ZNF248: variants seen among roughly 807,000 people sequenced by gnomAD.
ZNF248 encodes zinc finger protein 248, also known as KRAB protein domain.
ZNF248 carries 20 observed loss-of-function variants against 44.3 expected under a neutral mutation model. The observed-to-expected ratio is 0.45, with a 90% confidence interval of 0.32 to 0.66. ZNF248 has a LOEUF of 0.66. ZNF248 is among the 30% of genes least tolerant of loss of function. ZNF248 has a pLI of 0.04. For missense variants in ZNF248, 654 were observed against 677.0 expected, an observed-to-expected ratio of 0.97 and a Z score of 0.38; for synonymous variants, 224 against 229.0, an observed-to-expected ratio of 0.98 and a Z score of 0.20.
At chr10:37,818,138 G>T (rs370376258) in intron 6 of ZNF248, among the ~76,000 whole-genome samples, 2 of 151,774 alleles carry the variant, frequency 1.3e-5, no homozygotes, top group African/African-American at 2.4e-5. Context: ...GGATGGTCTC[G>T]ATCTCCTGAC....
chr10:37,764,640 C>A, the ZNF248 span, among the ~76,000 whole-genome samples: 1 of 152,082 alleles, frequency 6.6e-6, no homozygotes, highest in African/African-American at 2.4e-5. Context: ...CTCTTTTGTA[C>A]TCTTTCCCTT....
intron 5 of ZNF248, among the ~76,000 whole-genome samples, chr10:37,836,854 A>G (rs2057316333): frequency 1.3e-5 from 2 of 152,022 alleles, no homozygotes; most frequent in South Asian, 4.1e-4. Flanking sequence ...TACCAGGGAC[A>G]TTATTCTGTT....
At chr10:37,767,714 C>T in the ZNF248 span, among the ~76,000 whole-genome samples, 1 of 152,158 alleles carries the variant, frequency 6.6e-6, no homozygotes, top group African/African-American at 2.4e-5. Flanking sequence ...GAAACTGCAT[C>T]AACTAAAGAG....
At chr10:37,846,641 G>A (rs927687949) in intron 3 of ZNF248, among the ~76,000 whole-genome samples, 16 of 152,238 alleles carry the variant, frequency 1.1e-4, no homozygotes, top group African/African-American at 3.6e-4. Flanking sequence ...GCAAGATCCT[G>A]ACTCAAGAAA....
chr10:37,835,525 C>G (rs2056969224), intron 5 of ZNF248, among the ~76,000 whole-genome samples: 3 of 152,138 alleles, frequency 2.0e-5, no homozygotes, highest in African/African-American at 7.2e-5. Context: ...CAATCACACT[C>G]TAGAAAAGGG....
chr10:37,810,437 T>C (rs1247432677), intron 6 of ZNF248, among the ~76,000 whole-genome samples: 1 of 152,196 alleles, frequency 6.6e-6, no homozygotes, highest in African/African-American at 2.4e-5. Context: ...TCTTTATCTC[T>C]TGTGACCTTT....
chr10:37,847,047 G>A (rs1381105635), intron 3 of ZNF248, among the ~76,000 whole-genome samples: 1 of 152,074 alleles, frequency 6.6e-6, no homozygotes, highest in Non-Finnish European at 1.5e-5. Flanking sequence ...TGTTGCTGCT[G>A]TTGTTTGAGA....
chr10:37,820,233 C>CAGATGGAG (rs2053236548), intron 6 of ZNF248: 1 of 1,334,574 alleles, frequency 7.5e-7, no homozygotes, highest in Non-Finnish European at 1.1e-6. Context: ...CTGTCTGTGC[C>CAGATGGAG]AGATGGAGAT....
downstream of ZNF248, among the ~76,000 whole-genome samples, chr10:37,826,757 C>A (rs140423844): frequency 2.2e-3 from 330 of 152,210 alleles, no homozygotes; most frequent in African/African-American, 7.6e-3. Context: ...TAAAACTCTC[C>A]GGCTATGCCT....
chr10:37,794,235 A>C (rs2048885606), intron 6 of ZNF248: 1 of 152,272 alleles, frequency 6.6e-6, no homozygotes, highest in African/African-American at 2.4e-5. Context: ...AGGATTTCTT[A>C]CATTCATTAT....
intron 6 of ZNF248, chr10:37,820,997 G>A (rs1210249354): frequency 4.0e-6 from 6 of 1,518,536 alleles, no homozygotes; most frequent in Non-Finnish European, 4.5e-6. Flanking sequence ...GGCTGGCAGA[G>A]CGTCTCCCGA....
chr10:37,781,983 G>A (rs576357980), intron 6 of ZNF248, among the ~76,000 whole-genome samples: 139 of 152,256 alleles, frequency 9.1e-4, no homozygotes, highest in Non-Finnish European at 1.6e-3. Flanking sequence ...CTTACAATTC[G>A]GAGAAGTATT....
intron 6 of ZNF248, among the ~76,000 whole-genome samples, chr10:37,817,801 G>A (rs1489373831): frequency 6.6e-6 from 1 of 152,106 alleles, no homozygotes; most frequent in Non-Finnish European, 1.5e-5. Context: ...ATCCCCAGCT[G>A]AGCCTTTGTG....
Position 37,829,754 on chromosome 10 carries a change from T to C in ZNF248, c.*1861A>G, listed in dbSNP as rs1661016907. On this transcript the variant is annotated 3_prime_UTR_variant, in exon 6 of 6. Coordinates refer to ENST00000395867, the MANE Select transcript of ZNF248 (RefSeq NM_021045.3). ...CATGAAAAAGCCCAGCAGAGTCTCT[T>C]CTCATGTCATGACAATGTTGTATCA... is the stretch of plus-strand genomic sequence containing the variant. The C allele has an allele frequency of 1.0e-6, 1 of 982,926 alleles. No homozygotes were observed. The highest frequency in any genetic ancestry group is 1.2e-6 in the Non-Finnish European group (1 of 829,916). The allele number at this position is 982,926 out of a possible 1,614,324, so 60.9% of individuals were successfully genotyped here.
chr10:37,787,331 T>C (rs2133000076), intron 6 of ZNF248, among the ~76,000 whole-genome samples: 1 of 151,526 alleles, frequency 6.6e-6, no homozygotes, highest in Admixed American at 6.6e-5. Flanking sequence ...ATAAATAAAG[T>C]ATACTATAAA....
At chr10:37,761,369 A>G in the ZNF248 span, among the ~76,000 whole-genome samples, 89 of 152,232 alleles carry the variant, frequency 5.8e-4, no homozygotes, top group Admixed American at 9.2e-4. Flanking sequence ...TGAAGATAGT[A>G]TTTCAAATTA....
chr10:37,783,754 T>C (rs953451353), intron 6 of ZNF248: 1 of 152,354 alleles, frequency 6.6e-6, no homozygotes, highest in Admixed American at 6.5e-5. Flanking sequence ...AGAATCTTTT[T>C]GAGGGCCTCC....
downstream of ZNF248, among the ~76,000 whole-genome samples, chr10:37,772,682 T>A (rs764399067): frequency 7.9e-5 from 12 of 152,198 alleles, no homozygotes; most frequent in Non-Finnish European, 1.3e-4. Context: ...AACCTGCACT[T>A]TAGACATGGA....
At chr10:37,806,424 A>T (rs183303557) in intron 6 of ZNF248, among the ~76,000 whole-genome samples, 15 of 151,912 alleles carry the variant, frequency 9.9e-5, no homozygotes, top group Non-Finnish European at 2.1e-4. Flanking sequence ...TTCTTTTGAT[A>T]GTAGCCATTC....
Sources: gnomAD v4.1 joint callset for allele counts (sites outside exome capture counted in the v4.1 genomes callset) on GRCh38, gnomAD v4.1.1 for gene constraint, MANE v1.5 for transcripts, NCBI Gene and HGNC (gene_info 2026-07-23, HGNC 2026-07-21) for gene names.